The following RIT2 variants were observed in gnomAD, a reference collection of about 807,000 sequenced individuals.
RIT2 encodes Ras like without CAAX 2, also known as GTP-binding protein Rit2.
Under a neutral mutation model 23.7 loss-of-function variants are expected in RIT2, and 24 were observed. The ratio of observed to expected loss-of-function variants is 1.01; its 90% CI spans 0.73 to 1.43. The LOEUF is 1.43. Ranked by LOEUF, RIT2 falls within the 40% of genes most tolerant of loss-of-function variation. The pLI is 0.00. For missense variants in RIT2, 236 were observed against 266.9 expected, an observed-to-expected ratio of 0.88 and a Z score of 0.81; for synonymous variants, 107 against 91.1, an observed-to-expected ratio of 1.17 and a Z score of -0.99.
At chr18:42,816,441 A>G (rs1255723704) in intron 4 of RIT2, among the ~76,000 whole-genome samples, 1 of 152,182 alleles carries the variant, frequency 6.6e-6, no homozygotes, top group Non-Finnish European at 1.5e-5. Context: ...AAGTGCGCAT[A>G]GATAAGTAAA....
At chr18:42,765,753 T>C (rs2143907206) in intron 4 of RIT2, among the ~76,000 whole-genome samples, 1 of 152,306 alleles carries the variant, frequency 6.6e-6, no homozygotes, top group South Asian at 2.1e-4. Flanking sequence ...ACATAATATG[T>C]TTTGACTGAG....
intron 3 of RIT2, among the ~76,000 whole-genome samples, chr18:42,967,173 T>G (rs1044843934): frequency 6.6e-6 from 1 of 152,000 alleles, no homozygotes; most frequent in Non-Finnish European, 1.5e-5. Flanking sequence ...TATTTCTCTC[T>G]CTATATATAT....
chr18:42,743,719 A>G lies in RIT2; in HGVS notation c.428T>C (p.Val143Ala), dbSNP rs1446142878. 1 of 1,594,788 alleles carries G rather than the reference A, an allele frequency of 6.3e-7. No homozygotes were observed. The highest frequency in any genetic ancestry group is 1.1e-5 in the South Asian group (1 of 87,750). Residue 143 changes from valine (V) to alanine (A), a missense_variant and splice_region_variant, in exon 5 of 5, where the codon GTT (valine) becomes GCT (alanine). Physicochemically the swap from Val to Ala is moderately conservative, Grantham distance 64. Transcript: ENST00000326695. Reference sequence around the variant, plus strand: ...AAGACTCAAGCCTTCTTCTGTAGAAACCTAAGGAAAAAACAAATAATATTA... The same window carrying G: ...AAGACTCAAGCCTTCTTCTGTAGAAGCCTAAGGAAAAAACAAATAATATTA... ...NKIDLEQFRQ[V>A]STEEGLSLAQ...
At chr18:42,925,777 ATAT>A (rs1432896228) in intron 3 of RIT2, among the ~76,000 whole-genome samples, 1 of 151,692 alleles carries the variant, frequency 6.6e-6, no homozygotes, top group African/African-American at 2.4e-5. Context: ...AAGCATATAC[ATAT>A]TCCTTCTTCC....
chr18:42,936,203 C>T (rs1598721833), intron 3 of RIT2, among the ~76,000 whole-genome samples: 1 of 152,032 alleles, frequency 6.6e-6, no homozygotes, highest in East Asian at 1.9e-4. Flanking sequence ...AATTCCCTGC[C>T]TCCAGACCCT....
intron 3 of RIT2, among the ~76,000 whole-genome samples, chr18:42,929,361 T>G (rs1303037170): frequency 6.6e-6 from 1 of 152,090 alleles, no homozygotes; most frequent in Non-Finnish European, 1.5e-5. Flanking sequence ...GTTTTCAATG[T>G]AAGCCTTGCC....
chr18:42,753,458 CAG>C (rs1913092997), intron 4 of RIT2, among the ~76,000 whole-genome samples: 1 of 152,152 alleles, frequency 6.6e-6, no homozygotes, highest in Non-Finnish European at 1.5e-5. Flanking sequence ...GCTCTTCCAA[CAG>C]AAGCTTTGCA....
intron 4 of RIT2, among the ~76,000 whole-genome samples, chr18:42,796,063 A>T (rs1194154841): frequency 6.6e-6 from 1 of 152,142 alleles, no homozygotes; most frequent in African/African-American, 2.4e-5. Context: ...CAGCAGTGGC[A>T]ACCCGCTCAG....
intron 4 of RIT2, among the ~76,000 whole-genome samples, chr18:42,766,708 T>C (rs1406052476): frequency 3.3e-5 from 5 of 152,320 alleles, no homozygotes; most frequent in African/African-American, 4.8e-5. Context: ...TCAGAGACCT[T>C]CAGGGCAGCC....
chr18:42,771,115 C>G (rs1373099528), intron 4 of RIT2, among the ~76,000 whole-genome samples: 1 of 152,122 alleles, frequency 6.6e-6, no homozygotes, highest in Non-Finnish European at 1.5e-5. Context: ...TTACATCAAA[C>G]TACGTAATTT....
chr18:42,768,718 G>A (rs1340240766), intron 4 of RIT2, among the ~76,000 whole-genome samples: 2 of 151,848 alleles, frequency 1.3e-5, no homozygotes, highest in Non-Finnish European at 2.9e-5. Context: ...TTTATGAATT[G>A]CAGGATATAC....
chr18:43,091,344 TA>T (rs1328157726), intron 1 of RIT2, among the ~76,000 whole-genome samples: 1 of 152,078 alleles, frequency 6.6e-6, no homozygotes, highest in African/African-American at 2.4e-5. Flanking sequence ...AGACATGCTT[TA>T]TTTTTTGTTT....
At chr18:42,814,787 C>T (rs915855224) in intron 4 of RIT2, among the ~76,000 whole-genome samples, 2 of 152,164 alleles carry the variant, frequency 1.3e-5, no homozygotes. Context: ...ATTAAACCAC[C>T]AAAGCTAAGA....
intron 1 of RIT2, among the ~76,000 whole-genome samples, chr18:43,099,713 T>C (rs1913638671): frequency 6.6e-6 from 1 of 152,152 alleles, no homozygotes; most frequent in Non-Finnish European, 1.5e-5. Context: ...TCTCTTTTGC[T>C]GCATAACATT....
chr18:42,966,126 G>A (rs573308150), intron 3 of RIT2, among the ~76,000 whole-genome samples: 31 of 152,010 alleles, frequency 2.0e-4, no homozygotes, highest in Non-Finnish European at 3.8e-4. Flanking sequence ...TCATAATTAT[G>A]GAAATTTTCA....
At chr18:43,033,111 G>A (rs910350999) in intron 2 of RIT2, among the ~76,000 whole-genome samples, 11 of 152,076 alleles carry the variant, frequency 7.2e-5, no homozygotes, top group African/African-American at 2.2e-4. Context: ...AGAGTACTAC[G>A]GTGGACTCTG....
At chr18:43,114,430 A>G (rs1268373692) in intron 1 of RIT2, among the ~76,000 whole-genome samples, 2 of 152,064 alleles carry the variant, frequency 1.3e-5, no homozygotes, top group African/African-American at 2.4e-5. Context: ...TCTGCCGAAA[A>G]TATTGTCTTC....
At chr18:42,891,142 T>C (rs957902477) in intron 4 of RIT2, among the ~76,000 whole-genome samples, 1 of 152,164 alleles carries the variant, frequency 6.6e-6, no homozygotes, top group Non-Finnish European at 1.5e-5. Context: ...AGGACAGAGC[T>C]GAACAACAGA....
intron 4 of RIT2, among the ~76,000 whole-genome samples, chr18:42,757,872 A>G (rs1336101254): frequency 6.6e-6 from 1 of 152,184 alleles, no homozygotes; most frequent in Non-Finnish European, 1.5e-5. Context: ...AATGATTTCA[A>G]CATCCTGGAC....
Sources: gnomAD v4.1 joint callset for allele counts (sites outside exome capture counted in the v4.1 genomes callset) on GRCh38, gnomAD v4.1.1 for gene constraint, MANE v1.5 for transcripts, NCBI Gene and HGNC (gene_info 2026-07-23, HGNC 2026-07-21) for gene names.